Variants in RBM26 observed in about 807,000 individuals in gnomAD.
RBM26 encodes the protein RNA binding motif protein 26.
In RBM26, 30 loss-of-function variants were observed where a neutral mutation model predicts 123.6. That is an observed-to-expected ratio of 0.24 (90% CI 0.18 to 0.33). The LOEUF is 0.33. Among genes scored for constraint, RBM26 ranks in the 10% least tolerant of loss-of-function variants. The pLI is 1.00. For synonymous variants in RBM26, 400 were observed against 404.4 expected (o/e 0.99, Z 0.13); for missense variants, 947 against 1,203.6 (o/e 0.79, Z 3.15).
At chr13:79,360,490 AAT>A (rs141926769) in intron 9 of RBM26, among the ~76,000 whole-genome samples, 19 of 149,826 alleles carry the variant, frequency 1.3e-4, no homozygotes, top group South Asian at 2.1e-4. Context: ...CCTCACCACA[AAT>A]ATATATATAT....
chr13:79,362,172 C>G (rs1385156312), intron 9 of RBM26, among the ~76,000 whole-genome samples: 3 of 152,088 alleles, frequency 2.0e-5, no homozygotes, highest in Admixed American at 2.0e-4. Flanking sequence ...TAAACACTTT[C>G]AAAACTAAAT....
chr13:79,347,169 G>C (rs190181264), intron 14 of RBM26, among the ~76,000 whole-genome samples: 1 of 152,130 alleles, frequency 6.6e-6, no homozygotes, highest in African/African-American at 2.4e-5. Flanking sequence ...TTTATTCCTA[G>C]AAGTATTCCC....
intron 21 of RBM26, 116 bp downstream of exon 21, chr13:79,322,233 T>A (rs2067761036): frequency 1.7e-6 from 1 of 588,884 alleles, no homozygotes. Context: ...ATCCCCTGCC[T>A]GGACTATGGG....
chr13:79,352,881 T>G (rs867348924), intron 14 of RBM26, among the ~76,000 whole-genome samples: 2 of 151,938 alleles, frequency 1.3e-5, no homozygotes, highest in Non-Finnish European at 2.9e-5. Flanking sequence ...GCACAGTATC[T>G]CTAAAGAAAA....
chr13:79,312,050 AAG>A (rs2066911465), exon 5 of RBM26: 1 of 152,066 alleles, frequency 6.6e-6, no homozygotes, highest in Admixed American at 6.6e-5. Flanking sequence ...ATAAACAAAA[AAG>A]CTGCTACAGC....
At chr13:79,373,703 ATATATATATATTACTATATAT>A (rs1566510946) in intron 3 of RBM26, among the ~76,000 whole-genome samples, 3 of 106,122 alleles carry the variant, frequency 2.8e-5, no homozygotes, top group African/African-American at 1.8e-4. Flanking sequence ...ATAATATTTT[ATATATATATATTACTATATAT>A]AATAATATAT....
chr13:79,384,921 G>A (rs765152834), intron 1 of RBM26, among the ~76,000 whole-genome samples: 4 of 152,104 alleles, frequency 2.6e-5, no homozygotes, highest in South Asian at 2.1e-4. Context: ...TGTTTTGCAC[G>A]AGTTTCTTGG....
chr13:79,398,388 A>G (rs1566605347), intron 1 of RBM26, among the ~76,000 whole-genome samples: 1 of 152,242 alleles, frequency 6.6e-6, no homozygotes, highest in East Asian at 1.9e-4. Context: ...AGGAAGTGCT[A>G]AAACATACAG....
chr13:79,319,148 G>T lies in RBM26; in HGVS notation c.*1473C>A, dbSNP rs1461453184. 2.2e-5 allele frequency: 22 copies of T among 984,512 alleles called. No homozygotes were observed. Among genetic ancestry groups the T allele is most frequent in the Non-Finnish European group, 2.4e-5 (20 of 829,418 alleles). 61.0% of individuals were successfully genotyped at this position (984,512 alleles called of 1,614,324 possible). On this transcript the variant is annotated 3_prime_UTR_variant, in exon 22 of 22. Transcript: ENST00000438737. ...TCAACCCCAATTAGGGGTGTATGGG[G>T]AAGAAGAAAAAGAACAGCATCCTTA...
chr13:79,352,536 T>A (rs776014515), intron 14 of RBM26, among the ~76,000 whole-genome samples: 18 of 152,016 alleles, frequency 1.2e-4, no homozygotes, highest in Non-Finnish European at 2.2e-4. Flanking sequence ...TAATAAATAT[T>A]TACCCCCCTT....
intron 14 of RBM26, among the ~76,000 whole-genome samples, chr13:79,347,778 T>G (rs1056558505): frequency 1.3e-5 from 2 of 151,144 alleles, no homozygotes; most frequent in African/African-American, 2.4e-5. Context: ...CCTTCCTTAG[T>G]GCACCCATGA....
At chr13:79,326,387 C>G (rs1255087966) in intron 20 of RBM26, among the ~76,000 whole-genome samples, 1 of 152,038 alleles carries the variant, frequency 6.6e-6, no homozygotes, top group East Asian at 1.9e-4. Flanking sequence ...TAAATGTGCT[C>G]TACAGGATGC....
At chr13:79,369,303 A>G (rs9318634) in intron 5 of RBM26, among the ~76,000 whole-genome samples, 72,553 of 151,964 alleles carry the variant, frequency 0.48, 17,926 homozygotes, top group East Asian at 0.72. Flanking sequence ...TACAGACCAC[A>G]AAACAAAACA....
chr13:79,355,459 G>C (rs1244439453), intron 11 of RBM26, 75 bp from the exon 12 acceptor site: 6 of 1,085,942 alleles, frequency 5.5e-6, no homozygotes, highest in Non-Finnish European at 5.4e-6. Context: ...TCCCCAGTAA[G>C]TGAAATACTG....
chr13:79,378,577 T>A (rs189545799), intron 2 of RBM26, among the ~76,000 whole-genome samples: 89 of 152,196 alleles, frequency 5.8e-4, no homozygotes, highest in African/African-American at 2.1e-3. Context: ...GTAGCCGGGA[T>A]TACAGGCACC....
chr13:79,379,181 G>T (rs1344943212), intron 1 of RBM26, among the ~76,000 whole-genome samples: 1 of 151,852 alleles, frequency 6.6e-6, no homozygotes, highest in Non-Finnish European at 1.5e-5. Flanking sequence ...AATGTACTAG[G>T]AATTCAGATT....
intron 19 of RBM26, 75 bp from the exon 20 acceptor site, chr13:79,334,505 AC>A (rs1467990167): frequency 1.4e-6 from 1 of 711,306 alleles, no homozygotes; most frequent in Admixed American, 2.9e-5. Context: ...GTATTAAAAA[AC>A]ATTAAAATAC....
At chr13:79,388,796 G>C (rs1235747961) in intron 1 of RBM26, among the ~76,000 whole-genome samples, 2 of 152,010 alleles carry the variant, frequency 1.3e-5, no homozygotes, top group African/African-American at 4.8e-5. Context: ...TTTTTAAAAA[G>C]GTAAGATAAG....
intron 3 of RBM26, among the ~76,000 whole-genome samples, chr13:79,373,162 TA>T: frequency 9.0e-6 from 1 of 111,428 alleles, no homozygotes; most frequent in South Asian, 2.5e-4. Context: ...TTATGTATTA[TA>T]TATTTATATA....
Sources: gnomAD v4.1 joint callset for allele counts (sites outside exome capture counted in the v4.1 genomes callset) on GRCh38, gnomAD v4.1.1 for gene constraint, MANE v1.5 for transcripts, NCBI Gene and HGNC (gene_info 2026-07-23, HGNC 2026-07-21) for gene names.